Variants in RGPD1 observed in about 807,000 individuals in gnomAD.
The protein encoded by RGPD1 is RANBP2 like and GRIP domain containing 1.
A neutral mutation model predicts 40.6 loss-of-function variants in RGPD1; 7 were observed. That is an observed-to-expected ratio of 0.17 (90% CI 0.10 to 0.32). RGPD1 has a LOEUF of 0.32. Ranked by LOEUF, RGPD1 falls within the 10% of genes least tolerant of loss-of-function variation. The pLI is 1.00. For missense variants in RGPD1, 50 were observed against 472.5 expected (o/e 0.11, Z 8.29); for synonymous variants, 24 against 167.0 (o/e 0.14, Z 6.60).
chr2:86,928,787 T>C (rs1307045358), intron 1 of RGPD1, among the ~76,000 whole-genome samples: 1 of 152,176 alleles, frequency 6.6e-6, no homozygotes, highest in Non-Finnish European at 1.5e-5. Context: ...GATATAAATA[T>C]CTGGAATTCT....
rs558026351 is a variant in RGPD1 at position 86,942,269 on chromosome 2, C to A, written c.33C>A (p.Tyr11Ter). 4 of 1,606,786 alleles carry A rather than the reference C, an allele frequency of 2.5e-6. No homozygotes were observed. The highest frequency in any genetic ancestry group is 2.5e-6 in the Non-Finnish European group (3 of 1,177,632). The change falls in exon 1 of 23, where the codon TAC becomes TAA. Residue 11 changes from tyrosine (Y) to a stop codon, truncating the protein, a stop_gained. Transcript: ENST00000641458. LOFTEE classifies it high-confidence loss of function. MRRSKAYGERYVASVQGSAPS... is the reference protein window; with the variant it reads MRRSKAYGER Reference sequence around the variant, plus strand: ...GCAGCAAGGCCTACGGGGAGCGGTACGTCGCCTCGGTGCAGGGCTCCGCCC... The same window carrying A: ...GCAGCAAGGCCTACGGGGAGCGGTAAGTCGCCTCGGTGCAGGGCTCCGCCC...
intron 1 of RGPD1, among the ~76,000 whole-genome samples, chr2:86,926,003 TTAA>T (rs1406777359): frequency 6.6e-6 from 1 of 151,596 alleles, no homozygotes; most frequent in Non-Finnish European, 1.5e-5. Flanking sequence ...TAAAATGTTA[TTAA>T]TATAAAAATA....
intron 1 of RGPD1, among the ~76,000 whole-genome samples, chr2:86,944,464 G>T (rs1281768406): frequency 6.6e-6 from 1 of 151,378 alleles, no homozygotes; most frequent in East Asian, 1.9e-4. Flanking sequence ...ATGCAGTGGC[G>T]CTATCTCGAC....
intron 1 of RGPD1, among the ~76,000 whole-genome samples, chr2:86,931,569 G>C (rs1678964899): frequency 1.3e-5 from 2 of 151,912 alleles, no homozygotes; most frequent in African/African-American, 4.8e-5. Context: ...CAAAGAGCAA[G>C]CTTTCTCTAT....
At chr2:86,913,686 C>T (rs1031322964), upstream of RGPD1, 65 of 1,318,576 alleles carry the variant, frequency 4.9e-5, no homozygotes, top group South Asian at 1.3e-5. Context: ...GCTGGAGCGC[C>T]GACGTCGCCA....
chr2:86,938,938 G>A (rs1374422456), upstream of RGPD1, among the ~76,000 whole-genome samples: 1 of 125,480 alleles, frequency 8.0e-6, no homozygotes, highest in African/African-American at 3.0e-5. Flanking sequence ...CTTTCAATTT[G>A]TCAAAAACAT....
intron 1 of RGPD1, among the ~76,000 whole-genome samples, chr2:86,945,293 G>A (rs778795708): frequency 2.0e-5 from 3 of 151,920 alleles, no homozygotes; most frequent in African/African-American, 7.3e-5. Flanking sequence ...GGATTTCAGC[G>A]GAATATGGAT....
At chr2:86,943,676 A>T (rs571683228) in intron 1 of RGPD1, among the ~76,000 whole-genome samples, 1 of 152,346 alleles carries the variant, frequency 6.6e-6, no homozygotes, top group East Asian at 1.9e-4. Context: ...GACACATAGC[A>T]CTAAGTGTTA....
intron 1 of RGPD1, among the ~76,000 whole-genome samples, chr2:86,947,384 A>G (rs1356997571): frequency 4.7e-5 from 2 of 42,852 alleles, no homozygotes; most frequent in African/African-American, 1.8e-4. Flanking sequence ...TGTCTTTAAA[A>G]CATCTTTACT....
intron 6 of RGPD1, among the ~76,000 whole-genome samples, chr2:86,961,029 G>A (rs1336563182): frequency 2.2e-4 from 2 of 9,020 alleles, no homozygotes; most frequent in Admixed American, 8.2e-4. Flanking sequence ...GCACCTGGCC[G>A]TATGTGGGTT....
intron 1 of RGPD1, among the ~76,000 whole-genome samples, chr2:86,927,094 C>T (rs1299314234): frequency 6.6e-6 from 1 of 151,852 alleles, no homozygotes; most frequent in East Asian, 1.9e-4. Context: ...TTCAATTTTC[C>T]TTCCCACTTA....
chr2:86,959,900 ATT>A (rs1228415791), intron 6 of RGPD1, among the ~76,000 whole-genome samples: 2 of 6,736 alleles, frequency 3.0e-4, no homozygotes, highest in Non-Finnish European at 2.6e-4. Flanking sequence ...CACCTGGCTA[ATT>A]TTTTTTTTTT....
At chr2:86,943,170 GC>G (rs1008083737) in intron 1 of RGPD1, among the ~76,000 whole-genome samples, 1 of 151,272 alleles carries the variant, frequency 6.6e-6, no homozygotes, top group African/African-American at 2.4e-5. Context: ...ATTTGCAGTG[GC>G]CCGACGGCGC....
rs1177350839 is a variant in RGPD1, at chr2:86,944,420, T to A, written c.72+2112T>A. On this transcript the variant is annotated intron_variant, in intron 1 of 22. Coordinates refer to ENST00000641458, the MANE Select transcript of RGPD1 (RefSeq NM_001382344.1). ...TTTAATTTTTGTGTTATTTTTTTTT[T>A]TTTAGGTGGGGTCTCACTCTGTCAC... Among the ~76,000 whole-genome samples, 7 of 152,160 alleles carry A rather than the reference T, an allele frequency of 4.6e-5. No individual in the cohort carries two copies. In the East Asian group the frequency reaches 1.4e-3, roughly 29 times the overall value.
At chr2:86,947,844 T>C (rs1680416666) in intron 1 of RGPD1, among the ~76,000 whole-genome samples, 1 of 117,634 alleles carries the variant, frequency 8.5e-6, no homozygotes, top group Admixed American at 8.2e-5. Flanking sequence ...ATCGGTTTGT[T>C]GAGAACAGCA....
chr2:86,918,425 CTA>C (rs1223754957), intron 1 of RGPD1, among the ~76,000 whole-genome samples: 1 of 127,970 alleles, frequency 7.8e-6, no homozygotes, highest in Non-Finnish European at 1.6e-5. Context: ...CTGTACCATT[CTA>C]TATGTTTTAG....
At chr2:86,942,726 G>T (rs1268425973) in intron 1 of RGPD1, among the ~76,000 whole-genome samples, 1 of 150,154 alleles carries the variant, frequency 6.7e-6, no homozygotes, top group African/African-American at 2.4e-5. Flanking sequence ...CGGCCTCGAT[G>T]GCTCAGGCGT....
At chr2:86,943,098 C>T (rs1242184602) in intron 1 of RGPD1, among the ~76,000 whole-genome samples, 3 of 151,326 alleles carry the variant, frequency 2.0e-5, no homozygotes, top group African/African-American at 7.3e-5. Flanking sequence ...TGGGGACTGA[C>T]GCAGCTCCGG....
intron 1 of RGPD1, among the ~76,000 whole-genome samples, chr2:86,924,545 A>T (rs556007089): frequency 6.6e-6 from 1 of 150,528 alleles, no homozygotes; most frequent in Admixed American, 6.6e-5. Flanking sequence ...AGTTGGCTGT[A>T]ATCTCGAACT....
Sources: gnomAD v4.1 joint callset for allele counts (sites outside exome capture counted in the v4.1 genomes callset) on GRCh38, gnomAD v4.1.1 for gene constraint, MANE v1.5 for transcripts, NCBI Gene and HGNC (gene_info 2026-07-23, HGNC 2026-07-21) for gene names.